COL9A1: variants seen among roughly 807,000 people sequenced by gnomAD.
COL9A1 encodes collagen alpha-1(IX) chain.
COL9A1 carries 104 observed loss-of-function variants against 142.6 expected under a neutral mutation model. That is an observed-to-expected ratio of 0.73 (90% CI 0.62 to 0.86). The LOEUF (loss-of-function observed/expected upper bound fraction) is 0.86. COL9A1 is among the 40% of genes least tolerant of loss of function. COL9A1 has a pLI of 0.00. For synonymous variants in COL9A1, 466 were observed against 396.0 expected, an observed-to-expected ratio of 1.18 and a Z score of -2.10; for missense variants, 1,210 against 1,176.6, an observed-to-expected ratio of 1.03 and a Z score of -0.42.
intron 33 of COL9A1, 36 bp downstream of exon 33, chr6:70,239,218 T>A (rs1770096475): frequency 2.2e-6 from 3 of 1,362,166 alleles, no homozygotes; most frequent in Middle Eastern, 1.9e-4. Flanking sequence ...TTAATGTTTT[T>A]AATTTTTTTA....
At chr6:70,217,214 G>T in intron 37 of COL9A1, 133 bp from the exon 38 acceptor site, 1 of 748,344 alleles carries the variant, frequency 1.3e-6, no homozygotes. Flanking sequence ...GATGACTGGT[G>T]ATGATTGGTG....
At chr6:70,255,066 T>G in intron 23 of COL9A1, 50 bp from the exon 24 acceptor site, 1 of 1,613,564 alleles carries the variant, frequency 6.2e-7, no homozygotes, top group Non-Finnish European at 8.5e-7. Context: ...GTCACATTCT[T>G]TTTCCCTTCA....
In COL9A1 at chr6:70,256,770, G is replaced by T. The variant is rs1004596128; in HGVS notation, c.1501C>A (p.Pro501Thr). Residue 501 changes from proline (P) to threonine (T), a missense_variant and splice_region_variant, in exon 21 of 38, where the codon CCT becomes ACT. Coordinates refer to ENST00000357250, the MANE Select transcript of COL9A1 (RefSeq NM_001851.6). The stretch of plus-strand genomic sequence containing the variant: ...TTTGTGGAAGGAAAATCACTTACAG[G>T]TGCACCAGGAAGACCCTGAGGCCCA... ...EPGPQGLPGA[P>T]GDQGQRGPPG... 1.9e-6 allele frequency: 3 copies of T among 1,612,366 alleles called. No individual in the cohort carries two copies. Among genetic ancestry groups the T allele is most frequent in the Admixed American group, 1.7e-5 (1 of 59,872 alleles).
chr6:70,256,830 A>T lies in COL9A1; in HGVS notation c.1450-9T>A, dbSNP rs373930384. On this transcript the variant is annotated splice_polypyrimidine_tract_variant and intron_variant, in intron 20 of 37. Transcript: ENST00000357250. ...TCTAAGCCCCGAGCACCCTGCAAAAAAACAAGACAATGGAAAAAAACTGAG... is the reference window on the plus strand; with the variant it reads ...TCTAAGCCCCGAGCACCCTGCAAAATAACAAGACAATGGAAAAAAACTGAG... The T allele has an allele frequency of 1.9e-6, 3 of 1,613,676 alleles. No homozygotes were observed. The African/African-American group carries it at 4.0e-5, about 22-fold the overall frequency.
At chr6:70,273,994 A>T in intron 12 of COL9A1, 53 bp downstream of exon 12, 1 of 1,184,424 alleles carries the variant, frequency 8.4e-7, no homozygotes, top group Non-Finnish European at 1.2e-6. Context: ...ACAATGGCAG[A>T]ATTTTACCTA....
intron 17 of COL9A1, among the ~76,000 whole-genome samples, chr6:70,267,327 G>GTTTTGTTTT (rs1554241921): frequency 1.6e-5 from 2 of 127,032 alleles, no homozygotes; most frequent in African/African-American, 5.9e-5. Context: ...TGGTTTTTTT[G>GTTTTGTTTT]TTTTTTTTTT....
At chr6:70,251,365 C>A (rs1258172408) in intron 28 of COL9A1, among the ~76,000 whole-genome samples, 3 of 151,918 alleles carry the variant, frequency 2.0e-5, no homozygotes, top group Non-Finnish European at 2.9e-5. Context: ...GTCAACATAG[C>A]AAGACCCCAT....
chr6:70,294,369 T>C lies in COL9A1; in HGVS notation c.494A>G (p.Gln165Arg), dbSNP rs772666114. 1 of 1,614,098 alleles carries C rather than the reference T, an allele frequency of 6.2e-7. No homozygotes were observed. Among genetic ancestry groups the C allele is most frequent in the South Asian group, 1.1e-5 (1 of 91,080 alleles). The part of the protein sequence containing the change: ...FSYKGLDGSL[Q>R]TAAFSNLSSL... ...GGACAAATTCGAAAAGGCTGCTGTT[T>C]GGAGACTTCCATCCAGTCCCTTGTA... The change falls in exon 5 of 38, where the codon CAA (glutamine) becomes CGA (arginine). Residue 165 changes from glutamine (Q) to arginine (R), a missense_variant. Coordinates refer to ENST00000357250, the MANE Select transcript of COL9A1 (RefSeq NM_001851.6).
intron 5 of COL9A1, among the ~76,000 whole-genome samples, chr6:70,290,307 C>T (rs1773609782): frequency 6.6e-6 from 1 of 152,096 alleles, no homozygotes; most frequent in Non-Finnish European, 1.5e-5. Context: ...TTATGGTATG[C>T]TGCCAGGAAA....
intron 17 of COL9A1, among the ~76,000 whole-genome samples, chr6:70,267,980 TGAGAGACTA>T (rs1030125697): frequency 6.6e-6 from 1 of 152,160 alleles, no homozygotes; most frequent in African/African-American, 2.4e-5. Flanking sequence ...CACTTTAGAC[TGAGAGACTA>T]GAGAGAGAGA....
chr6:70,298,830 A>G (rs916666580), intron 4 of COL9A1, among the ~76,000 whole-genome samples: 1 of 152,222 alleles, frequency 6.6e-6, no homozygotes, highest in Admixed American at 6.5e-5. Context: ...GAGGAAAAAA[A>G]AGTGAATTCA....
intron 5 of COL9A1, among the ~76,000 whole-genome samples, chr6:70,293,626 C>T (rs974451655): frequency 7.3e-6 from 1 of 137,464 alleles, no homozygotes; most frequent in Non-Finnish European, 1.5e-5. Context: ...CTCTCTCTCT[C>T]TCTTTCACAC....
intron 5 of COL9A1, 36 bp from the exon 6 acceptor site, chr6:70,283,856 T>C (rs763580478): frequency 9.5e-6 from 14 of 1,468,660 alleles, no homozygotes; most frequent in Non-Finnish European, 1.3e-5. Context: ...GTAAGGTTTT[T>C]TGGACGACTG....
At position 70,241,835 on chromosome 6, in the gene COL9A1, T is replaced by C. The variant is rs1473139878; in HGVS notation, c.1998+129A>G. On this transcript the variant is annotated intron_variant, in intron 30 of 37. Coordinates refer to ENST00000357250, the MANE Select transcript of COL9A1 (RefSeq NM_001851.6). The stretch of plus-strand genomic sequence containing the variant: ...TCTCAACTCTGAGTAATTTAAAATA[T>C]CTTTCTTGATAGCTGTTTATGATAA... 76 of 812,586 alleles carry C rather than the reference T, an allele frequency of 9.4e-5. No homozygotes were observed. The East Asian group carries it at 1.8e-3, about 20-fold the overall frequency. 50.3% of individuals were successfully genotyped at this position (812,586 alleles called of 1,614,324 possible). A position where few individuals can be genotyped will look rare whatever the true frequency, so the allele number is the denominator to read the frequency against.
intron 10 of COL9A1, chr6:70,275,033 A>G (rs1772665986): frequency 4.2e-6 from 2 of 478,726 alleles, no homozygotes; most frequent in Admixed American, 7.3e-5. Context: ...CACAGGGTTC[A>G]ATAATTCAGT....
chr6:70,280,243 A>C, intron 10 of COL9A1: 2 of 1,205,996 alleles, frequency 1.7e-6, no homozygotes, highest in Non-Finnish European at 2.1e-6. Context: ...CTCCATGGAA[A>C]GACGAAAATC....
chr6:70,247,764 T>C (rs1236618628), intron 28 of COL9A1, among the ~76,000 whole-genome samples: 1 of 152,240 alleles, frequency 6.6e-6, no homozygotes, highest in African/African-American at 2.4e-5. Context: ...CATATTTCTC[T>C]TGTGTATGTT....
intron 4 of COL9A1, among the ~76,000 whole-genome samples, chr6:70,296,653 A>C (rs998116891): frequency 6.6e-6 from 1 of 152,166 alleles, no homozygotes; most frequent in African/African-American, 2.4e-5. Context: ...GTATAATTAT[A>C]AAACCTTATG....
At chr6:70,280,603 C>G in intron 10 of COL9A1, 1 of 1,311,608 alleles carries the variant, frequency 7.6e-7, no homozygotes, top group Non-Finnish European at 1.0e-6. Flanking sequence ...CCAACGCCTC[C>G]TAGAGAGAGG....
Sources: gnomAD v4.1 joint callset for allele counts (sites outside exome capture counted in the v4.1 genomes callset) on GRCh38, gnomAD v4.1.1 for gene constraint, MANE v1.5 for transcripts, NCBI Gene and HGNC (gene_info 2026-07-23, HGNC 2026-07-21) for gene names.